Variants in CSMD3 observed in about 807,000 individuals in gnomAD.
The protein encoded by CSMD3 is CUB and Sushi multiple domains 3, also known as CUB and sushi domain-containing protein 3.
CSMD3 carries 177 observed loss-of-function variants against 435.2 expected under a neutral mutation model. The observed-to-expected ratio is 0.41, with a 90% CI of 0.36 to 0.46. CSMD3 has a LOEUF of 0.46. CSMD3 is among the 20% of genes least tolerant of loss of function. CSMD3 has a pLI of 0.34. For synonymous variants in CSMD3, 1,656 were observed against 1,520.5 expected (o/e 1.09, Z -2.07); for missense variants, 4,265 against 4,504.6 (o/e 0.95, Z 1.52).
chr8:112,893,855 A>G (rs551584125), intron 10 of CSMD3, among the ~76,000 whole-genome samples: 1 of 151,520 alleles, frequency 6.6e-6, no homozygotes, highest in Non-Finnish European at 1.5e-5. Context: ...ACAAAGTAAT[A>G]TACAGAAAGA....
intron 3 of CSMD3, among the ~76,000 whole-genome samples, chr8:113,186,978 C>T (rs897547019): frequency 9.9e-5 from 15 of 151,858 alleles, no homozygotes; most frequent in African/African-American, 3.6e-4. Context: ...TAACTGGTTC[C>T]CATTGGGGAT....
chr8:113,187,476 G>T (rs2092523989), intron 3 of CSMD3, among the ~76,000 whole-genome samples: 1 of 152,112 alleles, frequency 6.6e-6, no homozygotes, highest in African/African-American at 2.4e-5. Context: ...TTCACTTAAA[G>T]CTGGAAAATA....
chr8:112,466,260 A>T (rs1023533582), intron 32 of CSMD3, among the ~76,000 whole-genome samples: 1 of 152,206 alleles, frequency 6.6e-6, no homozygotes, highest in Non-Finnish European at 1.5e-5. Context: ...TAAAATGCCA[A>T]TAAAATGGTT....
Position 113,332,889 on chromosome 8 carries a change from A to T in CSMD3, c.179-18096T>A, listed in dbSNP as rs140744004. 3.0e-4 allele frequency among the ~76,000 whole-genome samples: 45 copies of T among 151,910 alleles called. No homozygotes were observed. In the East Asian group the frequency reaches 8.3e-3, roughly 28 times the overall value. On this transcript the variant is annotated intron_variant, in intron 1 of 70. Coordinates refer to ENST00000297405, the MANE Select transcript of CSMD3 (RefSeq NM_198123.2). Reference sequence around the variant, plus strand: ...CTAATTTAAAGTGTATTTCAAAGCTACAGTAATTACATAGCATGGTACTGG... The same window carrying T: ...CTAATTTAAAGTGTATTTCAAAGCTTCAGTAATTACATAGCATGGTACTGG...
chr8:113,318,786 ATGTGTGTGTGTG>A (rs56269027), intron 1 of CSMD3, among the ~76,000 whole-genome samples: 33 of 140,150 alleles, frequency 2.4e-4, no homozygotes, highest in South Asian at 7.1e-4. Flanking sequence ...GCTGAATAAG[ATGTGTGTGTGTG>A]TGTGTGTGTG....
intron 10 of CSMD3, among the ~76,000 whole-genome samples, chr8:112,911,901 C>A (rs570386355): frequency 5.7e-5 from 7 of 123,258 alleles, no homozygotes; most frequent in South Asian, 2.9e-4. Context: ...ATTAAATAAC[C>A]AAATATATCT....
At chr8:112,965,343 C>A (rs1028953069) in intron 7 of CSMD3, among the ~76,000 whole-genome samples, 1 of 151,822 alleles carries the variant, frequency 6.6e-6, no homozygotes, top group Admixed American at 6.6e-5. Flanking sequence ...TTGATCAATT[C>A]AGTACATATT....
intron 5 of CSMD3, among the ~76,000 whole-genome samples, chr8:113,091,235 GC>G (rs2089991610): frequency 2.0e-5 from 3 of 152,176 alleles, no homozygotes; most frequent in African/African-American, 7.2e-5. Flanking sequence ...TCTGAGCAAT[GC>G]TCATGAAAGT....
intron 63 of CSMD3, 106 bp downstream of exon 63, chr8:112,254,147 C>T: frequency 1.2e-6 from 1 of 838,848 alleles, no homozygotes; most frequent in Non-Finnish European, 2.1e-6. Flanking sequence ...TTTATAAATG[C>T]AGATAGAACA....
intron 3 of CSMD3, among the ~76,000 whole-genome samples, chr8:113,192,616 G>A (rs986319247): frequency 3.3e-5 from 5 of 151,104 alleles, no homozygotes; most frequent in Non-Finnish European, 7.4e-5. Flanking sequence ...CTCCCTTATG[G>A]AAGTTTTCTT....
chr8:112,286,550 G>T (rs913331762), intron 58 of CSMD3, among the ~76,000 whole-genome samples: 6 of 152,142 alleles, frequency 3.9e-5, no homozygotes, highest in Non-Finnish European at 7.4e-5. Flanking sequence ...TTTTGAGTGA[G>T]AGACCATATT....
intron 1 of CSMD3, among the ~76,000 whole-genome samples, chr8:113,369,461 G>C (rs771107740): frequency 2.0e-5 from 3 of 151,958 alleles, no homozygotes; most frequent in Non-Finnish European, 4.4e-5. Flanking sequence ...TGGTGTGGAC[G>C]TAAGTCAGTA....
At chr8:113,177,651 T>A (rs1026616848) in intron 3 of CSMD3, among the ~76,000 whole-genome samples, 3 of 152,020 alleles carry the variant, frequency 2.0e-5, no homozygotes, top group Non-Finnish European at 4.4e-5. Flanking sequence ...CTGAGATCAC[T>A]GGAAAATAAA....
At chr8:112,651,900 G>A (rs1365362256) in intron 18 of CSMD3, among the ~76,000 whole-genome samples, 7 of 151,972 alleles carry the variant, frequency 4.6e-5, no homozygotes, top group Non-Finnish European at 1.0e-4. Context: ...CACAAAATAT[G>A]TCTGAAATCC....
rs1343934575 is a variant in CSMD3, at chr8:112,247,104, T to G, written c.10138A>C (p.Lys3380Gln). ...QVGSVVQFHC[K>Q]KGHLLQGSTT... ...GACCCTTGGAGAAGGTGTCCTTTTTTGCAATGGAACTGTACAACACTTCCT... is the reference window on the plus strand; with the variant it reads ...GACCCTTGGAGAAGGTGTCCTTTTTGGCAATGGAACTGTACAACACTTCCT... The change falls in exon 64 of 71, where the codon AAA becomes CAA. Residue 3380 changes from lysine (K) to glutamine (Q), a missense_variant. This residue lies in a region of CSMD3 where 3,255 missense variants were observed against 3,380.2 expected (regional missense o/e 0.96). Transcript: ENST00000297405. The G allele has an allele frequency of 6.2e-7, 1 of 1,613,588 alleles. No homozygotes were observed. The highest frequency in any genetic ancestry group is 1.7e-4 in the Middle Eastern group (1 of 6,058).
chr8:112,993,584 C>A (rs2085533540), intron 6 of CSMD3, among the ~76,000 whole-genome samples: 1 of 151,700 alleles, frequency 6.6e-6, no homozygotes, highest in Admixed American at 6.6e-5. Flanking sequence ...AGATAAAAAT[C>A]ATATAAGGTC....
chr8:112,259,970 A>G (rs1022224377), intron 61 of CSMD3, among the ~76,000 whole-genome samples: 1 of 152,110 alleles, frequency 6.6e-6, no homozygotes, highest in African/African-American at 2.4e-5. Context: ...AAACTCCTCA[A>G]TCCCCCAGTA....
chr8:112,533,994 T>C (rs558711547), intron 27 of CSMD3, among the ~76,000 whole-genome samples: 1 of 152,032 alleles, frequency 6.6e-6, no homozygotes, highest in South Asian at 2.1e-4. Flanking sequence ...GGAAATTAAA[T>C]GACATGCTCC....
chr8:112,929,235 G>A (rs1327343351), intron 9 of CSMD3, among the ~76,000 whole-genome samples: 1 of 116,676 alleles, frequency 8.6e-6, no homozygotes, highest in African/African-American at 3.3e-5. Flanking sequence ...CATGGGGTGG[G>A]GGGAGGGGGG....
Sources: allele counts gnomAD v4.1 joint callset (sites outside exome capture counted in the v4.1 genomes callset), GRCh38; gene constraint gnomAD v4.1.1; regional missense constraint gnomAD v4.1.1; transcripts MANE v1.5; gene names NCBI Gene and HGNC (gene_info 2026-07-23, HGNC 2026-07-21).